The following GOLPH3 variants were observed in gnomAD, a reference collection of about 807,000 sequenced individuals.
GOLPH3 encodes golgi phosphoprotein 3, also known as coat protein GPP34.
In GOLPH3, 14 loss-of-function variants were observed where a neutral mutation model predicts 28.5. The observed-to-expected ratio is 0.49, with a 90% CI of 0.32 to 0.77. The LOEUF (loss-of-function observed/expected upper bound fraction) is 0.77, where lower values mean the gene tolerates loss of function less well. Among genes scored for constraint, GOLPH3 ranks in the 30% least tolerant of loss-of-function variants. The pLI is 0.03. For missense variants in GOLPH3, 350 were observed against 393.7 expected, an observed-to-expected ratio of 0.89 and a Z score of 0.94; for synonymous variants, 158 against 159.2, an observed-to-expected ratio of 0.99 and a Z score of 0.06.
intron 3 of GOLPH3, among the ~76,000 whole-genome samples, chr5:32,130,077 G>A (rs890116301): frequency 3.3e-5 from 5 of 152,142 alleles, no homozygotes; most frequent in South Asian, 4.1e-4. Flanking sequence ...TCCTGACATC[G>A]TGATCCACCC....
intron 1 of GOLPH3, among the ~76,000 whole-genome samples, chr5:32,158,061 CTG>C (rs1443337707): frequency 5.0e-5 from 5 of 100,964 alleles, no homozygotes; most frequent in South Asian, 2.9e-4. Flanking sequence ...CACACACACA[CTG>C]GGCAAAATCA....
chr5:32,140,187 G>GA lies in GOLPH3; in HGVS notation c.357+3561dup, dbSNP rs367594027. ...CAGAAGATCCCAAATGCTTCTAGAG[G>GA]AAAAAAAAAAAATAAGATTGAAAAA... On this transcript the variant is annotated intron_variant, in intron 2 of 3. Coordinates refer to ENST00000265070, the MANE Select transcript of GOLPH3 (RefSeq NM_022130.4). Among the ~76,000 whole-genome samples the GA allele has an allele frequency of 1.9e-3, 270 of 144,758 alleles. 1 individual carries two copies. Among genetic ancestry groups the GA allele is most frequent in the Admixed American group, 7.1e-3 (103 of 14,490 alleles). The allele number at this position is 144,758 out of a possible 152,430, so 95.0% of individuals were successfully genotyped here.
At chr5:32,170,576 G>A (rs1186222999) in intron 1 of GOLPH3, among the ~76,000 whole-genome samples, 1 of 152,090 alleles carries the variant, frequency 6.6e-6, no homozygotes, top group Non-Finnish European at 1.5e-5. Context: ...AGTACTATAG[G>A]TTAAAAACAT....
At chr5:32,164,237 T>C (rs1746655487) in intron 1 of GOLPH3, among the ~76,000 whole-genome samples, 1 of 152,168 alleles carries the variant, frequency 6.6e-6, no homozygotes, top group African/African-American at 2.4e-5. Flanking sequence ...AGTGACTTAT[T>C]TCAATGTTTC....
At chr5:32,127,080 G>A (rs946745921) in intron 3 of GOLPH3, among the ~76,000 whole-genome samples, 14 of 152,272 alleles carry the variant, frequency 9.2e-5, no homozygotes, top group African/African-American at 2.6e-4. Context: ...GCCTATAGAG[G>A]TAGGAAAGCC....
chr5:32,142,060 T>C lies in GOLPH3; in HGVS notation c.357+1689A>G, dbSNP rs1746076370. On this transcript the variant is annotated intron_variant, in intron 2 of 3. Coordinates refer to ENST00000265070, the MANE Select transcript of GOLPH3 (RefSeq NM_022130.4). ...GAAGTGAGGAGCGTCTCCGCCTGGC[T>C]GCCCATCGTCTGGGATGTGAGGAGC... 4.8e-5 allele frequency among the ~76,000 whole-genome samples: 7 copies of C among 147,060 alleles called. 1 individual carries two copies. The South Asian group carries it at 1.6e-3, about 33-fold the overall frequency.
chr5:32,171,142 A>T (rs1746825169), intron 1 of GOLPH3, among the ~76,000 whole-genome samples: 1 of 152,216 alleles, frequency 6.6e-6, no homozygotes, highest in Non-Finnish European at 1.5e-5. Context: ...CAATCACCGA[A>T]AAACAGCATG....
chr5:32,173,928 C>G lies in GOLPH3; in HGVS notation c.107G>C (p.Ser36Thr). 1 of 1,492,970 alleles carries G rather than the reference C, an allele frequency of 6.7e-7. No individual in the cohort carries two copies. Among genetic ancestry groups the G allele is most frequent in the East Asian group, 2.8e-5 (1 of 35,708 alleles). The allele number at this position is 1,492,970 out of a possible 1,614,324, so 92.5% of individuals were successfully genotyped here. The change falls in exon 1 of 4, where the codon AGC (serine) becomes ACC (threonine). Residue 36 changes from serine (S) to threonine (T), a missense_variant. Physicochemically the swap from Ser to Thr is moderately conservative, Grantham distance 58. Transcript: ENST00000265070. ...GCGGCGGCTCTGCGCGTCGTCCTCG[C>G]TGCTGCCGGCGCCGCCGCCCGCCGC... is the stretch of plus-strand genomic sequence containing the variant. The part of the protein sequence containing the change: ...ERAAGGGAGS[S>T]EDDAQSRRDE...
chr5:32,174,117 T>G lies in GOLPH3; in HGVS notation c.-83A>C, dbSNP rs1225616783. ...CTCCTCCTCCCCGCGCGGCCTCCGA[T>G]CCGGGTTTCCGTGTTAAATCCGGAC... On this transcript the variant is annotated 5_prime_UTR_variant, in exon 1 of 4. Transcript: ENST00000265070. The G allele has an allele frequency of 2.1e-6, 2 of 969,014 alleles. No individual in the cohort carries two copies. Among genetic ancestry groups the G allele is most frequent in the African/African-American group, 1.7e-5 (1 of 58,722 alleles). 60.0% of individuals were successfully genotyped at this position (969,014 alleles called of 1,614,324 possible). A position where few individuals can be genotyped will look rare whatever the true frequency, so the allele number is the denominator to read the frequency against.
intron 2 of GOLPH3, among the ~76,000 whole-genome samples, chr5:32,138,687 AATCCAGTGT>A (rs1407695301): frequency 1.3e-5 from 2 of 152,226 alleles, no homozygotes; most frequent in African/African-American, 4.8e-5. Flanking sequence ...TAAGACCAAA[AATCCAGTGT>A]ATCCAGTGTA....
Position 32,161,708 on chromosome 5 carries a change from A to C in GOLPH3, c.225+12102T>G, listed in dbSNP as rs79520373. ...ATGGAACCAATCCCAAGGATTCTTT[A>C]AGGAAGACTCTGGGCTTGACCTAAA... On this transcript the variant is annotated intron_variant, in intron 1 of 3. Coordinates refer to ENST00000265070, the MANE Select transcript of GOLPH3 (RefSeq NM_022130.4). Among the ~76,000 whole-genome samples the C allele has an allele frequency of 3.1e-3, 473 of 151,468 alleles. 28 individuals carry two copies. The highest frequency in any genetic ancestry group is 0.011 in the African/African-American group (463 of 40,780).
At chr5:32,154,577 G>A (rs1484852113) in intron 1 of GOLPH3, among the ~76,000 whole-genome samples, 2 of 152,106 alleles carry the variant, frequency 1.3e-5, no homozygotes, top group East Asian at 1.9e-4. Flanking sequence ...TCAGGTATAG[G>A]TCACTAAAAA....
intron 1 of GOLPH3, among the ~76,000 whole-genome samples, chr5:32,151,821 T>C (rs953501359): frequency 2.6e-5 from 4 of 152,176 alleles, no homozygotes; most frequent in African/African-American, 9.7e-5. Flanking sequence ...CTACAAAACA[T>C]GGATGAACTC....
chr5:32,156,426 C>A (rs952826390), intron 1 of GOLPH3, among the ~76,000 whole-genome samples: 9 of 151,890 alleles, frequency 5.9e-5, no homozygotes, highest in African/African-American at 1.7e-4. Context: ...TCACTTGAAC[C>A]TGGGAGGCAG....
At chr5:32,143,203 G>C (rs1244400874) in intron 2 of GOLPH3, among the ~76,000 whole-genome samples, 1 of 152,108 alleles carries the variant, frequency 6.6e-6, no homozygotes, top group African/African-American at 2.4e-5. Flanking sequence ...GGGTTGAATG[G>C]ATTAAGGGCG....
chr5:32,133,573 T>C (rs534819147), intron 3 of GOLPH3, among the ~76,000 whole-genome samples: 1 of 152,346 alleles, frequency 6.6e-6, no homozygotes, highest in Admixed American at 6.5e-5. Flanking sequence ...AGTATAAACG[T>C]TATTAGCAGT....
chr5:32,147,671 T>C (rs1435933988), intron 1 of GOLPH3, among the ~76,000 whole-genome samples: 1 of 152,178 alleles, frequency 6.6e-6, no homozygotes, highest in African/African-American at 2.4e-5. Flanking sequence ...AAGGTTTTCC[T>C]TACTGATCAA....
rs115381322 is a variant in GOLPH3, at chr5:32,155,538, A to C, written c.226-11658T>G. On this transcript the variant is annotated intron_variant, in intron 1 of 3. Transcript: ENST00000265070. ...AATCTCAATAAAGCTGTTACCAAAAAAACTAAGCCAAAAACTCCCCTTAAG... is the reference window on the plus strand; with the variant it reads ...AATCTCAATAAAGCTGTTACCAAAACAACTAAGCCAAAAACTCCCCTTAAG... 6.4e-3 allele frequency among the ~76,000 whole-genome samples: 974 copies of C among 152,248 alleles called. 7 individuals carry two copies. The highest frequency in any genetic ancestry group is 9.6e-3 in the Non-Finnish European group (653 of 68,026).
At chr5:32,170,976 G>A (rs901320380) in intron 1 of GOLPH3, among the ~76,000 whole-genome samples, 5 of 152,074 alleles carry the variant, frequency 3.3e-5, no homozygotes, top group Admixed American at 2.0e-4. Context: ...CAAGCATCTG[G>A]ACCTTAGCCA....
Sources: allele counts gnomAD v4.1 joint callset (sites outside exome capture counted in the v4.1 genomes callset), GRCh38; gene constraint gnomAD v4.1.1; transcripts MANE v1.5; gene names NCBI Gene and HGNC (gene_info 2026-07-23, HGNC 2026-07-21).